Variants in MAGI2 observed in about 807,000 individuals in gnomAD.
MAGI2 encodes membrane-associated guanylate kinase, WW and PDZ domain-containing protein 2.
A neutral mutation model predicts 133.3 loss-of-function variants in MAGI2; 35 were observed. The observed-to-expected ratio is 0.26, with a 90% CI of 0.20 to 0.35. MAGI2 has a LOEUF of 0.35. MAGI2 is among the 10% of genes least tolerant of loss of function. The probability of loss-of-function intolerance (pLI) is 1.00; values close to 1 mark genes in which losing one functional copy is unlikely to be tolerated. For synonymous variants in MAGI2, 729 were observed against 710.6 expected (o/e 1.03, Z -0.41); for missense variants, 1,636 against 1,863.4 (o/e 0.88, Z 2.25).
At chr7:78,387,648 C>T (rs947063256) in intron 6 of MAGI2, among the ~76,000 whole-genome samples, 1 of 152,066 alleles carries the variant, frequency 6.6e-6, no homozygotes, top group Admixed American at 6.6e-5. Flanking sequence ...AAAAATAGAC[C>T]GGATGTAGTG....
chr7:79,360,486 A>AT, intron 1 of MAGI2, among the ~76,000 whole-genome samples: 2 of 152,236 alleles, frequency 1.3e-5, no homozygotes, highest in South Asian at 2.1e-4. Flanking sequence ...CACTATATCA[A>AT]TTTTTCTCAT....
chr7:79,371,612 T>C (rs1212246596), intron 1 of MAGI2, among the ~76,000 whole-genome samples: 1 of 152,194 alleles, frequency 6.6e-6, no homozygotes, highest in Non-Finnish European at 1.5e-5. Context: ...GGCTATGTCA[T>C]ATATAATAGC....
intron 2 of MAGI2, among the ~76,000 whole-genome samples, chr7:78,853,264 C>G (rs1338857866): frequency 7.0e-6 from 1 of 142,934 alleles, no homozygotes; most frequent in Non-Finnish European, 1.5e-5. Flanking sequence ...GAGGAAAAAC[C>G]TAATATCAGC....
At chr7:78,628,561 T>C (rs38119) in intron 2 of MAGI2, among the ~76,000 whole-genome samples, 92,463 of 151,492 alleles carry the variant, frequency 0.61, 28,815 homozygotes, top group Middle Eastern at 0.72. Flanking sequence ...TGGATAAAAA[T>C]GAATAATTCC....
chr7:79,025,500 A>C (rs1359419700), intron 1 of MAGI2, among the ~76,000 whole-genome samples: 1 of 152,174 alleles, frequency 6.6e-6, no homozygotes, highest in Non-Finnish European at 1.5e-5. Flanking sequence ...TGAGCCTAAA[A>C]TAAGTTTTTT....
chr7:78,762,424 C>A (rs2151302239), intron 2 of MAGI2, among the ~76,000 whole-genome samples: 1 of 151,938 alleles, frequency 6.6e-6, no homozygotes, highest in Admixed American at 6.6e-5. Flanking sequence ...GCCTGGGCAA[C>A]AGAGTGAGAC....
chr7:79,365,867 CAAAAA>C (rs71095399), intron 1 of MAGI2, among the ~76,000 whole-genome samples: 2 of 48,860 alleles, frequency 4.1e-5, no homozygotes, highest in African/African-American at 7.5e-5. Flanking sequence ...ACTCTTGTCT[CAAAAA>C]AAAAAAAAAA....
chr7:78,041,427 A>G (rs1584920349), intron 21 of MAGI2, among the ~76,000 whole-genome samples: 1 of 152,136 alleles, frequency 6.6e-6, no homozygotes, highest in African/African-American at 2.4e-5. Context: ...TGTAATCCCA[A>G]CACTCTGGGA....
At chr7:78,986,839 T>C (rs1306066168) in intron 2 of MAGI2, among the ~76,000 whole-genome samples, 1 of 152,038 alleles carries the variant, frequency 6.6e-6, no homozygotes, top group Non-Finnish European at 1.5e-5. Context: ...TTTCCCTCCA[T>C]TTTCTCTCTT....
At chr7:78,414,669 C>T (rs1335627815) in intron 6 of MAGI2, among the ~76,000 whole-genome samples, 1 of 151,952 alleles carries the variant, frequency 6.6e-6, no homozygotes, top group Non-Finnish European at 1.5e-5. Flanking sequence ...CACACCCCTG[C>T]CCCCCTTCTT....
At chr7:78,946,671 T>C (rs1488069103) in intron 2 of MAGI2, 3 of 152,200 alleles carry the variant, frequency 2.0e-5, no homozygotes, top group Non-Finnish European at 4.4e-5. Flanking sequence ...CTGGGTTATG[T>C]TTATTTCCTG....
At chr7:79,439,551 A>G (rs1159210998) in intron 1 of MAGI2, among the ~76,000 whole-genome samples, 1 of 152,056 alleles carries the variant, frequency 6.6e-6, no homozygotes, top group Admixed American at 6.6e-5. Flanking sequence ...ACAGTGTTTT[A>G]AAGTTTGCTT....
At chr7:78,878,502 A>G (rs1795596748) in intron 2 of MAGI2, among the ~76,000 whole-genome samples, 1 of 152,244 alleles carries the variant, frequency 6.6e-6, no homozygotes, top group Non-Finnish European at 1.5e-5. Flanking sequence ...AAATAATAGT[A>G]GTGATTTGCT....
chr7:78,625,747 A>T (rs1329154424), intron 3 of MAGI2, among the ~76,000 whole-genome samples: 1 of 152,168 alleles, frequency 6.6e-6, no homozygotes, highest in African/African-American at 2.4e-5. Flanking sequence ...CTTTTATACC[A>T]TATTTTTAAC....
At chr7:78,521,018 A>G (rs1166821776) in intron 4 of MAGI2, among the ~76,000 whole-genome samples, 3 of 152,176 alleles carry the variant, frequency 2.0e-5, no homozygotes, top group African/African-American at 7.2e-5. Context: ...GCATAGCAAG[A>G]TTTCGAAGAA....
intron 6 of MAGI2, among the ~76,000 whole-genome samples, chr7:78,376,132 C>A (rs976866754): frequency 6.6e-6 from 1 of 152,028 alleles, no homozygotes; most frequent in Non-Finnish European, 1.5e-5. Flanking sequence ...GGGGGTGTAA[C>A]TTTTCAGACC....
intron 1 of MAGI2, among the ~76,000 whole-genome samples, chr7:79,370,751 C>T (rs937789589): frequency 1.3e-5 from 2 of 151,850 alleles, no homozygotes; most frequent in African/African-American, 4.8e-5. Context: ...TTGCTTGAGC[C>T]TTAACAGAAT....
In MAGI2 at chr7:78,789,776, C is replaced by T. The variant is rs185211555; in HGVS notation, c.419-162537G>A. 3.2e-3 allele frequency among the ~76,000 whole-genome samples: 493 copies of T among 152,270 alleles called. 1 individual carries two copies. The highest frequency in any genetic ancestry group is 0.011 in the African/African-American group (451 of 41,560). On this transcript the variant is annotated intron_variant, in intron 2 of 21. Coordinates refer to ENST00000354212, the MANE Select transcript of MAGI2 (RefSeq NM_012301.4). ...CTGTAGTCACCTTGTTGTGCTATCA[C>T]GTACTACATCTTATTCATTCTATCT...
intron 1 of MAGI2, among the ~76,000 whole-genome samples, chr7:79,177,712 C>T (rs1826223699): frequency 6.6e-6 from 1 of 152,098 alleles, no homozygotes; most frequent in Non-Finnish European, 1.5e-5. Context: ...TAGCACATTA[C>T]TTTACATATG....
Sources: gnomAD v4.1 joint callset for allele counts (sites outside exome capture counted in the v4.1 genomes callset) on GRCh38, gnomAD v4.1.1 for gene constraint, MANE v1.5 for transcripts, NCBI Gene and HGNC (gene_info 2026-07-23, HGNC 2026-07-21) for gene names.